The following ST6GAL2 variants were observed in gnomAD, a reference collection of about 807,000 sequenced individuals.
ST6GAL2 encodes beta-galactoside alpha-2,6-sialyltransferase 2.
Under a neutral mutation model 37.5 loss-of-function variants are expected in ST6GAL2, and 24 were observed. The observed-to-expected ratio is 0.64, with a 90% CI of 0.46 to 0.90. ST6GAL2 has a LOEUF of 0.90. Among genes scored for constraint, ST6GAL2 ranks in the 40% least tolerant of loss-of-function variants. The pLI is 0.00. For missense variants in ST6GAL2, 715 were observed against 712.7 expected (o/e 1.00, Z -0.04); for synonymous variants, 306 against 295.1 (o/e 1.04, Z -0.38).
chr2:106,841,281 A>G (rs1676871531), intron 2 of ST6GAL2: 1 of 152,232 alleles, frequency 6.6e-6, no homozygotes, highest in African/African-American at 2.4e-5. Context: ...CTTCAAGGAC[A>G]CAGAACAACT....
chr2:106,823,343 C>G (rs1343552900), intron 5 of ST6GAL2, among the ~76,000 whole-genome samples: 1 of 151,686 alleles, frequency 6.6e-6, no homozygotes, highest in East Asian at 1.9e-4. Flanking sequence ...TATCTCCAGG[C>G]CTACTAACCA....
chr2:106,845,908 A>G (rs549040633), intron 1 of ST6GAL2, among the ~76,000 whole-genome samples: 4 of 152,264 alleles, frequency 2.6e-5, no homozygotes, highest in African/African-American at 9.6e-5. Flanking sequence ...CTCTCAGGAC[A>G]TTCACTCTGG....
intron 1 of ST6GAL2, among the ~76,000 whole-genome samples, chr2:106,881,456 C>A (rs1373827652): frequency 6.6e-6 from 1 of 152,152 alleles, no homozygotes; most frequent in Non-Finnish European, 1.5e-5. Context: ...ATTAACTGTA[C>A]TTTTTTCTAC....
At chr2:106,886,007 G>A (rs1292402170) in intron 1 of ST6GAL2, 86 bp downstream of exon 1, 1 of 152,174 alleles carries the variant, frequency 6.6e-6, no homozygotes, top group Non-Finnish European at 1.5e-5. Context: ...TCCTAAACAC[G>A]GAGTGTAACT....
rs142285976 is a variant in ST6GAL2 at position 106,830,018 on chromosome 2, T to C, written c.1318+48A>G. 3.9e-5 allele frequency: 59 copies of C among 1,530,028 alleles called. 1 individual carries two copies. In the African/African-American group the frequency reaches 6.9e-4, roughly 18 times the overall value. The allele number at this position is 1,530,028 out of a possible 1,614,324, so 94.8% of individuals were successfully genotyped here. A position where few individuals can be genotyped will look rare whatever the true frequency, so the allele number is the denominator to read the frequency against. The stretch of plus-strand genomic sequence containing the variant: ...CTGTATATTTGTTAAATATTAGATA[T>C]CATCCTGTCTGCCCCCCAATCATTC... On this transcript the variant is annotated intron_variant, in intron 5 of 5. Coordinates refer to ENST00000409382, the MANE Select transcript of ST6GAL2 (RefSeq NM_001142351.2).
intron 1 of ST6GAL2, among the ~76,000 whole-genome samples, chr2:106,850,302 C>G (rs1167552811): frequency 6.6e-6 from 1 of 152,152 alleles, no homozygotes; most frequent in African/African-American, 2.4e-5. Flanking sequence ...AGAGTTTGCT[C>G]TCTCTGCCCG....
chr2:106,802,349 ATAT>A lies in ST6GAL2; in HGVS notation c.*4326_*4328del, dbSNP rs1558667133. The A allele has an allele frequency of 1.3e-5, 2 of 151,144 alleles. No individual in the cohort carries two copies. The highest frequency in any genetic ancestry group is 3.0e-5 in the Non-Finnish European group (2 of 67,776). 9.4% of individuals were successfully genotyped at this position (151,144 alleles called of 1,614,324 possible). A position where few individuals can be genotyped will look rare whatever the true frequency, so the allele number is the denominator to read the frequency against. On this transcript the variant is annotated 3_prime_UTR_variant, in exon 6 of 6. Transcript: ENST00000409382. Reference sequence around the variant, plus strand: ...TATGTATATACACAATTATATAACTATATCTACATGTACACTTTTCATACTAAG... The same window carrying A: ...TATGTATATACACAATTATATAACTACTACATGTACACTTTTCATACTAAG...
At chr2:106,855,963 G>A (rs1677557060) in intron 1 of ST6GAL2, among the ~76,000 whole-genome samples, 1 of 152,270 alleles carries the variant, frequency 6.6e-6, no homozygotes, top group African/African-American at 2.4e-5. Context: ...CTTTATGAAA[G>A]CTTCACAGAG....
intron 1 of ST6GAL2, among the ~76,000 whole-genome samples, chr2:106,860,854 A>G (rs979248573): frequency 6.6e-6 from 1 of 152,208 alleles, no homozygotes; most frequent in Non-Finnish European, 1.5e-5. Context: ...GAAACTTAGA[A>G]GTATGTCTGA....
At chr2:106,837,867 G>A (rs1248280847) in intron 2 of ST6GAL2, among the ~76,000 whole-genome samples, 4 of 152,192 alleles carry the variant, frequency 2.6e-5, no homozygotes, top group Non-Finnish European at 4.4e-5. Context: ...GAAAGATAAC[G>A]CAGTGTAATT....
intron 1 of ST6GAL2, among the ~76,000 whole-genome samples, chr2:106,863,923 A>G (rs1454165737): frequency 6.6e-6 from 1 of 152,148 alleles, no homozygotes; most frequent in Non-Finnish European, 1.5e-5. Context: ...CAGAACCTCT[A>G]AGGAGGTGTG....
At chr2:106,823,934 AC>A (rs1364912435) in intron 5 of ST6GAL2, among the ~76,000 whole-genome samples, 1 of 151,888 alleles carries the variant, frequency 6.6e-6, no homozygotes, top group African/African-American at 2.4e-5. Context: ...TGACCTAATC[AC>A]CTCCCAATGG....
intron 1 of ST6GAL2, among the ~76,000 whole-genome samples, chr2:106,866,437 G>GTTGTC (rs1471144053): frequency 6.6e-6 from 1 of 152,186 alleles, no homozygotes; most frequent in Non-Finnish European, 1.5e-5. Flanking sequence ...CCCACTTAAA[G>GTTGTC]TTGTCTAACA....
At position 106,843,953 on chromosome 2, in the gene ST6GAL2, T is replaced by C. The variant is rs911490484; in HGVS notation, c.25A>G (p.Arg9Gly). MKPHLKQW[R>G]QRMLFGIFAW... is the part of the protein sequence containing the mutation. ...AATATTCCGAAAAGCATTCGTTGTC[T>C]CCATTGCTTCAAGTGTGGTTTCATG... Residue 9 changes from arginine to glycine, a missense_variant, in exon 2 of 6, where the codon AGA (arginine) becomes GGA (glycine). Arg to Gly is a moderately radical substitution (Grantham distance 125, BLOSUM62 -2). Around this residue, in one of 3 missense-constraint regions of ST6GAL2, gnomAD observed 512 missense variants for 488.8 expected, o/e 1.05. Coordinates refer to ENST00000409382, the MANE Select transcript of ST6GAL2 (RefSeq NM_001142351.2). 7.6e-6 allele frequency: 12 copies of C among 1,585,998 alleles called. No homozygotes were observed. Among genetic ancestry groups the C allele is most frequent in the African/African-American group, 1.3e-5 (1 of 74,566 alleles).
chr2:106,830,590 C>T (rs144709864), intron 4 of ST6GAL2, among the ~76,000 whole-genome samples: 5 of 152,316 alleles, frequency 3.3e-5, no homozygotes, highest in South Asian at 2.1e-4. Context: ...CATCGTAGCA[C>T]GGAAGCAGTC....
At chr2:106,860,104 G>A (rs1476718200) in intron 1 of ST6GAL2, among the ~76,000 whole-genome samples, 1 of 152,092 alleles carries the variant, frequency 6.6e-6, no homozygotes, top group Non-Finnish European at 1.5e-5. Flanking sequence ...TGAAGTCTTA[G>A]CTCAAATGCC....
At chr2:106,845,947 C>T (rs1190492346) in intron 1 of ST6GAL2, among the ~76,000 whole-genome samples, 1 of 152,170 alleles carries the variant, frequency 6.6e-6, no homozygotes, top group East Asian at 1.9e-4. Context: ...GAAGACATAT[C>T]CCTAAGCTTA....
rs1235248589 is a variant in ST6GAL2, at chr2:106,879,991, CA to C, written c.-58+6101del. Among the ~76,000 whole-genome samples the C allele has an allele frequency of 3.4e-5, 5 of 147,570 alleles. No homozygotes were observed. In the Admixed American group the frequency reaches 3.4e-4, roughly 10 times the overall value. On this transcript the variant is annotated intron_variant, in intron 1 of 5. Transcript: ENST00000409382. ...CATACTATTATATACACATATAGAC[CA>C]ATTATATACTATTATAGACCAATTA... is the stretch of plus-strand genomic sequence containing the variant.
intron 2 of ST6GAL2, among the ~76,000 whole-genome samples, chr2:106,839,817 A>G (rs1200466791): frequency 6.6e-6 from 1 of 152,204 alleles, no homozygotes; most frequent in Admixed American, 6.5e-5. Flanking sequence ...GCAAATTATT[A>G]TTGCTTATAT....
Sources: allele counts gnomAD v4.1 joint callset (sites outside exome capture counted in the v4.1 genomes callset), GRCh38; gene constraint gnomAD v4.1.1; regional missense constraint gnomAD v4.1.1; transcripts MANE v1.5; gene names NCBI Gene and HGNC (gene_info 2026-07-23, HGNC 2026-07-21).